FARP1: variants seen among roughly 807,000 people sequenced by gnomAD.
FARP1 encodes FERM, ARH/RhoGEF and pleckstrin domain protein 1.
In FARP1, 52 loss-of-function variants were observed where a neutral mutation model predicts 128.8. That is an observed-to-expected ratio of 0.40 (90% CI 0.32 to 0.51). The LOEUF (loss-of-function observed/expected upper bound fraction) is 0.51. Ranked by LOEUF, FARP1 falls within the 20% of genes least tolerant of loss-of-function variation. The probability of loss-of-function intolerance (pLI) is 0.45; values close to 1 mark genes in which losing one functional copy is unlikely to be tolerated. For synonymous variants in FARP1, 580 were observed against 551.8 expected (o/e 1.05, Z -0.72); for missense variants, 1,333 against 1,367.9 (o/e 0.97, Z 0.40).
chr13:98,211,478 G>C (rs560914806), intron 1 of FARP1, among the ~76,000 whole-genome samples: 2 of 152,348 alleles, frequency 1.3e-5, no homozygotes, highest in African/African-American at 4.8e-5. Context: ...CACAAAACAA[G>C]TCCCTGGTGC....
chr13:98,350,244 G>A (rs1437200066), intron 3 of FARP1, among the ~76,000 whole-genome samples: 1 of 152,318 alleles, frequency 6.6e-6, no homozygotes, highest in East Asian at 1.9e-4. Context: ...ACAGCTGTGG[G>A]AGATGCTCCA....
chr13:98,440,566 T>C (rs1283465180), intron 23 of FARP1, 104 bp from the exon 24 acceptor site: 13 of 1,224,634 alleles, frequency 1.1e-5, no homozygotes, highest in South Asian at 1.5e-5. Context: ...GCACCACAGG[T>C]TGTGACTGCT....
chr13:98,169,041 A>C (rs761478409), intron 1 of FARP1, among the ~76,000 whole-genome samples: 2 of 151,974 alleles, frequency 1.3e-5, no homozygotes, highest in African/African-American at 2.4e-5. Context: ...TTTTGTTGTT[A>C]AGATAATTCA....
chr13:98,288,163 A>G (rs910230511), intron 2 of FARP1, among the ~76,000 whole-genome samples: 5 of 152,176 alleles, frequency 3.3e-5, no homozygotes, highest in African/African-American at 1.2e-4. Context: ...CCCTGTTCTC[A>G]TGGAGCTTAG....
At chr13:98,258,152 A>G (rs952876015) in intron 2 of FARP1, among the ~76,000 whole-genome samples, 4 of 152,072 alleles carry the variant, frequency 2.6e-5, no homozygotes, top group African/African-American at 9.7e-5. Flanking sequence ...TATTTTTAGT[A>G]GAGATGGGGT....
intron 5 of FARP1, among the ~76,000 whole-genome samples, chr13:98,372,756 C>T (rs1366426619): frequency 2.0e-5 from 3 of 152,210 alleles, no homozygotes; most frequent in African/African-American, 4.8e-5. Context: ...CTGCCATAAT[C>T]GTTGTCCTCT....
chr13:98,215,476 T>G (rs1881002271), intron 2 of FARP1, among the ~76,000 whole-genome samples: 1 of 152,206 alleles, frequency 6.6e-6, no homozygotes. Context: ...ACAAGTTATT[T>G]AACCTGTCTG....
intron 1 of FARP1, among the ~76,000 whole-genome samples, chr13:98,147,393 A>G (rs1212092665): frequency 1.3e-5 from 2 of 152,150 alleles, no homozygotes; most frequent in African/African-American, 4.8e-5. Context: ...TTTACACTGA[A>G]TGAATTTCAT....
At chr13:98,275,336 G>GGAGAGAGAGA (rs58331449) in intron 2 of FARP1, among the ~76,000 whole-genome samples, 68 of 143,652 alleles carry the variant, frequency 4.7e-4, no homozygotes, top group Non-Finnish European at 7.5e-4. Context: ...ATGTGGGTAA[G>GGAGAGAGAGA]GAGAGAGAGA....
intron 1 of FARP1, among the ~76,000 whole-genome samples, chr13:98,175,362 C>A (rs1877928057): frequency 6.6e-6 from 1 of 152,110 alleles, no homozygotes; most frequent in South Asian, 2.1e-4. Flanking sequence ...CAAATCCAAA[C>A]TTCAGCGTGG....
At chr13:98,188,381 C>T (rs1334024295) in intron 1 of FARP1, among the ~76,000 whole-genome samples, 1 of 151,920 alleles carries the variant, frequency 6.6e-6, no homozygotes, top group Non-Finnish European at 1.5e-5. Context: ...GGTGAAACCC[C>T]GTCTCTACTA....
chr13:98,201,738 AG>A (rs1390307864), intron 1 of FARP1, among the ~76,000 whole-genome samples: 1 of 152,224 alleles, frequency 6.6e-6, no homozygotes, highest in East Asian at 1.9e-4. Flanking sequence ...GAGACTTGTC[AG>A]GGTTATTTAA....
intron 2 of FARP1, among the ~76,000 whole-genome samples, chr13:98,321,978 A>G (rs1434697684): frequency 6.6e-6 from 1 of 152,204 alleles, no homozygotes; most frequent in Non-Finnish European, 1.5e-5. Context: ...TGTGAGGGTT[A>G]AAATGGGTAT....
Position 98,309,152 on chromosome 13 carries a change from C to CTTTTTTTTTTTTTTTTTTT in FARP1, c.172-34610_172-34609insTTTTTTTTTTTTTTTTTTT, listed in dbSNP as rs1886325642. Among the ~76,000 whole-genome samples, 2 of 106,192 alleles carry CTTTTTTTTTTTTTTTTTTT rather than the reference C, an allele frequency of 1.9e-5. 1 individual carries two copies. The highest frequency in any genetic ancestry group is 7.5e-5 in the African/African-American group (2 of 26,800). 69.7% of individuals were successfully genotyped at this position (106,192 alleles called of 152,430 possible). A position where few individuals can be genotyped will look rare whatever the true frequency, so the allele number is the denominator to read the frequency against. On this transcript the variant is annotated intron_variant, in intron 2 of 26. Transcript: ENST00000319562. ...ATATATTAATATTAATTTTAAGAGG[C>CTTTTTTTTTTTTTTTTTTT]CTTTTTTTTTTTTTTTTTTTTTTTT...
intron 2 of FARP1, chr13:98,331,730 G>A (rs1253127214): frequency 6.6e-6 from 1 of 152,108 alleles, no homozygotes; most frequent in Non-Finnish European, 1.5e-5. Flanking sequence ...CCATTGTTCA[G>A]ATGGGAAAGC....
chr13:98,167,699 T>C (rs1206107417), intron 1 of FARP1, among the ~76,000 whole-genome samples: 2 of 152,032 alleles, frequency 1.3e-5, no homozygotes, highest in East Asian at 1.9e-4. Flanking sequence ...CATGAGCCAC[T>C]GCGCCTGGCC....
chr13:98,413,682 C>T (rs1222055621), intron 16 of FARP1, among the ~76,000 whole-genome samples: 1 of 152,124 alleles, frequency 6.6e-6, no homozygotes, highest in East Asian at 1.9e-4. Context: ...TAAAATTCTA[C>T]CAAATGTAAC....
At chr13:98,377,170 C>T (rs764300745) in intron 5 of FARP1, among the ~76,000 whole-genome samples, 18 of 151,756 alleles carry the variant, frequency 1.2e-4, no homozygotes, top group African/African-American at 9.7e-5. Flanking sequence ...GGCGTGGTGG[C>T]GTGCACCTGT....
rs1491404895 is a variant in FARP1 at position 98,378,978 on chromosome 13, T to TATATATA, written c.496+1068_496+1074dup. 5.6e-4 allele frequency among the ~76,000 whole-genome samples: 37 copies of TATATATA among 66,510 alleles called. 4 individuals carry two copies. Among genetic ancestry groups the TATATATA allele is most frequent in the African/African-American group, 2.6e-3 (35 of 13,670 alleles). 43.6% of individuals were successfully genotyped at this position (66,510 alleles called of 152,430 possible). ...TATATAATATATACAATATATAATC[T>TATATATA]ATATATAATATATATATAATATATA... On this transcript the variant is annotated intron_variant, in intron 6 of 26. Coordinates refer to ENST00000319562, the MANE Select transcript of FARP1 (RefSeq NM_005766.4).
Sources: allele counts gnomAD v4.1 joint callset (sites outside exome capture counted in the v4.1 genomes callset), GRCh38; gene constraint gnomAD v4.1.1; transcripts MANE v1.5; gene names NCBI Gene and HGNC (gene_info 2026-07-23, HGNC 2026-07-21).